IGSF10: variants seen among roughly 807,000 people sequenced by gnomAD.
The protein encoded by IGSF10 is immunoglobulin superfamily member 10.
In IGSF10, 126 loss-of-function variants were observed where a neutral mutation model predicts 128.2. That is an observed-to-expected ratio of 0.98 (90% CI 0.85 to 1.14). The LOEUF (loss-of-function observed/expected upper bound fraction) is 1.14. Ranked by LOEUF, IGSF10 falls within the 50% of genes most tolerant of loss-of-function variation. The pLI is 0.00. For synonymous variants in IGSF10, 1,185 were observed against 1,146.2 expected (o/e 1.03, Z -0.68); for missense variants, 3,295 against 3,149.8 (o/e 1.05, Z -1.10).
the IGSF10 span, among the ~76,000 whole-genome samples, chr3:151,531,201 G>C: frequency 1.4e-3 from 211 of 152,210 alleles, no homozygotes; most frequent in African/African-American, 4.9e-3. Flanking sequence ...AGTTCTGAGA[G>C]ACCTAAAAAG....
At chr3:151,550,984 A>G in the IGSF10 span, among the ~76,000 whole-genome samples, 6 of 152,074 alleles carry the variant, frequency 3.9e-5, no homozygotes, top group African/African-American at 1.4e-4. Flanking sequence ...ACTCCTTGTA[A>G]TGGACTTACC....
chr3:151,519,192 C>T, the IGSF10 span, among the ~76,000 whole-genome samples: 5 of 151,790 alleles, frequency 3.3e-5, no homozygotes, highest in Non-Finnish European at 7.4e-5. Context: ...GTTTCTTGTT[C>T]ATGTGTCTGT....
the IGSF10 span, among the ~76,000 whole-genome samples, chr3:151,552,280 T>C: frequency 6.6e-6 from 1 of 152,156 alleles, no homozygotes; most frequent in East Asian, 1.9e-4. Flanking sequence ...ATTAAACCTC[T>C]TTTCTTCATA....
chr3:151,489,739 C>A, the IGSF10 span, among the ~76,000 whole-genome samples: 1 of 152,104 alleles, frequency 6.6e-6, no homozygotes, highest in African/African-American at 2.4e-5. Flanking sequence ...CCAAACACCA[C>A]ATGTTCTCAC....
At chr3:151,597,931 CACA>C in the IGSF10 span, among the ~76,000 whole-genome samples, 2 of 147,604 alleles carry the variant, frequency 1.4e-5, no homozygotes, top group East Asian at 4.0e-4. Flanking sequence ...AAAAAAAAAA[CACA>C]ACAACAACCC....
the IGSF10 span, among the ~76,000 whole-genome samples, chr3:151,542,279 G>A: frequency 6.6e-6 from 1 of 151,902 alleles, no homozygotes; most frequent in Non-Finnish European, 1.5e-5. Context: ...ATATAATATT[G>A]GACATAATAT....
chr3:151,453,580 A>T lies in IGSF10; in HGVS notation c.519T>A (p.Phe173Leu), dbSNP rs1196630008. The change falls in exon 5 of 8, where the codon TTT (phenylalanine) becomes TTA (leucine). Residue 173 changes from phenylalanine to leucine, a missense_variant. Coordinates refer to ENST00000282466, the MANE Select transcript of IGSF10 (RefSeq NM_178822.5). Reference protein sequence around the residue: ...NQLTKLHPDTFVSLSYLQIFK... With the variant: ...NQLTKLHPDTLVSLSYLQIFK... ...ATATCTGGAGGTAGCTCAAAGAGACAAATGTATCTGGGTGGAGCTTAGTGA... is the reference window on the plus strand; with the variant it reads ...ATATCTGGAGGTAGCTCAAAGAGACTAATGTATCTGGGTGGAGCTTAGTGA... 13 of 1,613,998 alleles carry T rather than the reference A, an allele frequency of 8.1e-6. No homozygotes were observed. The highest frequency in any genetic ancestry group is 3.3e-5 in the Admixed American group (2 of 60,024).
chr3:151,446,579 G>C lies in IGSF10; in HGVS notation c.3402C>G (p.Ser1134=). 5 of 1,614,050 alleles carry C rather than the reference G, an allele frequency of 3.1e-6. No homozygotes were observed. Among genetic ancestry groups the C allele is most frequent in the Non-Finnish European group, 4.2e-6 (5 of 1,179,950 alleles). ...TGACTGCACCAGTTGGAGTCACTTGGGAAATTTCAGTCCTGAAATATTTTA... is the reference window on the plus strand; with the variant it reads ...TGACTGCACCAGTTGGAGTCACTTGCGAAATTTCAGTCCTGAAATATTTTA... The part of the protein sequence containing the change: ...PTIKYFRTEI[S]QVTPTGAVMT... The change falls in exon 6 of 8, where the codon TCC becomes TCG. Residue 1134 remains serine, a synonymous_variant. Transcript: ENST00000282466.
chr3:151,598,369 G>A, the IGSF10 span, among the ~76,000 whole-genome samples: 1 of 152,122 alleles, frequency 6.6e-6, no homozygotes, highest in African/African-American at 2.4e-5. Flanking sequence ...AGACAAAAGA[G>A]AAAACTCTTG....
chr3:151,499,113 T>C, the IGSF10 span, among the ~76,000 whole-genome samples: 19 of 152,174 alleles, frequency 1.2e-4, no homozygotes, highest in Non-Finnish European at 1.3e-4. Flanking sequence ...TAAACACTTG[T>C]TCAAATGAGA....
chr3:151,475,231 G>A, the IGSF10 span, among the ~76,000 whole-genome samples: 2 of 152,186 alleles, frequency 1.3e-5, no homozygotes, highest in African/African-American at 4.8e-5. Flanking sequence ...TGACACCCAA[G>A]AAGACATGTG....
the IGSF10 span, among the ~76,000 whole-genome samples, chr3:151,583,201 A>T: frequency 6.7e-6 from 1 of 150,358 alleles, no homozygotes; most frequent in Non-Finnish European, 1.5e-5. Context: ...GTTCTTTCTT[A>T]TTCTTATATT....
At chr3:151,519,969 T>C in the IGSF10 span, among the ~76,000 whole-genome samples, 1 of 151,834 alleles carries the variant, frequency 6.6e-6, no homozygotes, top group Non-Finnish European at 1.5e-5. Flanking sequence ...CCTGAAGGTT[T>C]TGAGAATTCT....
At position 151,436,982 on chromosome 3, in the gene IGSF10, G is replaced by A; in HGVS notation, c.7579C>T (p.Pro2527Ser). The A allele has an allele frequency of 6.2e-7, 1 of 1,614,104 alleles. No homozygotes were observed. Among genetic ancestry groups the A allele is most frequent in the Non-Finnish European group, 8.5e-7 (1 of 1,180,020 alleles). The change falls in exon 8 of 8, where the codon CCT becomes TCT. Residue 2527 changes from proline to serine, a missense_variant. Transcript: ENST00000282466. The part of the protein sequence containing the change: ...ITVPVMIVAY[P>S]PRITNRPPRS... ...GGTGGACGATTTGTAATTCGGGGAG[G>A]GTAGGCTACAATCATTACTGGAACA...
the IGSF10 span, among the ~76,000 whole-genome samples, chr3:151,543,487 G>A: frequency 5.9e-5 from 9 of 152,220 alleles, no homozygotes; most frequent in East Asian, 1.9e-4. Flanking sequence ...GCAAGAGCAC[G>A]AGCAGTGTTG....
chr3:151,576,403 C>A, the IGSF10 span, among the ~76,000 whole-genome samples: 8 of 152,036 alleles, frequency 5.3e-5, no homozygotes, highest in Non-Finnish European at 1.0e-4. Flanking sequence ...CATCATCTTT[C>A]TGAGTCTCCT....
the IGSF10 span, among the ~76,000 whole-genome samples, chr3:151,572,607 C>G: frequency 2.6e-5 from 4 of 152,130 alleles, no homozygotes; most frequent in South Asian, 2.1e-4. Flanking sequence ...TGATTCTTCT[C>G]TCTTCTCCTT....
chr3:151,503,898 C>T, the IGSF10 span, among the ~76,000 whole-genome samples: 2 of 151,518 alleles, frequency 1.3e-5, no homozygotes, highest in African/African-American at 2.4e-5. Flanking sequence ...TGGATGGGAT[C>T]GCAGAACTGG....
rs773068128 is a variant in IGSF10, at chr3:151,438,411, C to T, written c.6150G>A (p.Val2050=). ...IDHKQYFRKQ[V]LHGKDFQVDC... Reference sequence around the variant, plus strand: ...CTACTTGGAAATCTTTCCCATGGAGCACTTGCTTTCTAAAATACTGCTTGT... The same window carrying T: ...CTACTTGGAAATCTTTCCCATGGAGTACTTGCTTTCTAAAATACTGCTTGT... Residue 2050 remains valine (V), a synonymous_variant, in exon 8 of 8, where the codon GTG becomes GTA. Transcript: ENST00000282466. 4 of 1,614,050 alleles carry T rather than the reference C, an allele frequency of 2.5e-6. No homozygotes were observed. The highest frequency in any genetic ancestry group is 1.6e-4 in the Middle Eastern group (1 of 6,084).
Sources: gnomAD v4.1 joint callset for allele counts (sites outside exome capture counted in the v4.1 genomes callset) on GRCh38, gnomAD v4.1.1 for gene constraint, MANE v1.5 for transcripts, NCBI Gene and HGNC (gene_info 2026-07-23, HGNC 2026-07-21) for gene names.